PHTF2: variants seen among roughly 807,000 people sequenced by gnomAD.
The protein encoded by PHTF2 is putative homeodomain transcription factor 2.
A neutral mutation model predicts 101.2 loss-of-function variants in PHTF2; 60 were observed. The observed-to-expected ratio is 0.59, with a 90% CI of 0.48 to 0.73. The LOEUF is 0.73. Among genes scored for constraint, PHTF2 ranks in the 30% least tolerant of loss-of-function variants. The pLI is 0.00. For missense variants in PHTF2, 747 were observed against 908.7 expected (o/e 0.82, Z 2.29); for synonymous variants, 311 against 307.3 (o/e 1.01, Z -0.13).
At chr7:77,927,694 G>A (rs1430345879) in intron 11 of PHTF2, among the ~76,000 whole-genome samples, 1 of 152,208 alleles carries the variant, frequency 6.6e-6, no homozygotes, top group East Asian at 1.9e-4. Flanking sequence ...TGCCAGGTTT[G>A]TATTCAAAGT....
intron 5 of PHTF2, among the ~76,000 whole-genome samples, chr7:77,898,565 G>A (rs1390606391): frequency 6.6e-6 from 1 of 152,016 alleles, no homozygotes; most frequent in Non-Finnish European, 1.5e-5. Flanking sequence ...CAGAAATAAT[G>A]TACAGATACA....
At chr7:77,862,107 C>T (rs147532922) in intron 3 of PHTF2, among the ~76,000 whole-genome samples, 163 of 151,862 alleles carry the variant, frequency 1.1e-3, no homozygotes, top group African/African-American at 3.7e-3. Context: ...TTCACTCTTC[C>T]CTAGCAGTAC....
At chr7:77,854,017 G>A (rs1796972254) in intron 2 of PHTF2, among the ~76,000 whole-genome samples, 1 of 152,142 alleles carries the variant, frequency 6.6e-6, no homozygotes, top group Non-Finnish European at 1.5e-5. Context: ...TTGATGTTTG[G>A]ACATTGAAGA....
chr7:77,905,407 ATTTTTG>A (rs1801763397), intron 7 of PHTF2, among the ~76,000 whole-genome samples: 1 of 151,722 alleles, frequency 6.6e-6, no homozygotes, highest in Admixed American at 6.6e-5. Context: ...TTTTATTTTT[ATTTTTG>A]TAGAGATGGG....
intron 1 of PHTF2, among the ~76,000 whole-genome samples, chr7:77,820,523 T>C (rs1794198295): frequency 6.6e-6 from 1 of 151,828 alleles, no homozygotes; most frequent in Non-Finnish European, 1.5e-5. Context: ...AGCTAATGTG[T>C]GTGTGTGCGT....
At chr7:77,888,654 T>G (rs1800087316) in intron 3 of PHTF2, among the ~76,000 whole-genome samples, 1 of 152,244 alleles carries the variant, frequency 6.6e-6, no homozygotes. Flanking sequence ...ACCACTGATC[T>G]TCTTTTAATC....
intron 9 of PHTF2, among the ~76,000 whole-genome samples, chr7:77,913,514 T>G (rs1802608579): frequency 6.6e-6 from 1 of 152,206 alleles, no homozygotes. Flanking sequence ...GAATTACATC[T>G]TGATTGTGTG....
exon 12 of PHTF2, chr7:77,929,281 T>A (rs1181093228): frequency 6.2e-7 from 1 of 1,611,932 alleles, no homozygotes; most frequent in Non-Finnish European, 8.5e-7. Flanking sequence ...AATCATCAGA[T>A]TAATCCATGT....
chr7:77,799,299 G>C (rs1792332966), intron 1 of PHTF2, among the ~76,000 whole-genome samples: 1 of 152,232 alleles, frequency 6.6e-6, no homozygotes, highest in South Asian at 2.1e-4. Flanking sequence ...CCCGCTTCCA[G>C]GCCCCTGTCC....
intron 3 of PHTF2, among the ~76,000 whole-genome samples, chr7:77,865,623 C>A (rs1192931745): frequency 6.6e-6 from 1 of 152,074 alleles, no homozygotes; most frequent in African/African-American, 2.4e-5. Context: ...AATTAATCTC[C>A]CCTGCTAATC....
intron 15 of PHTF2, among the ~76,000 whole-genome samples, chr7:77,941,362 A>G (rs370414704): frequency 1.3e-5 from 2 of 152,158 alleles, no homozygotes; most frequent in South Asian, 2.1e-4. Flanking sequence ...GCAAATTGGC[A>G]TGGATATTTT....
rs903464748 is a variant in PHTF2, at chr7:77,900,555, G to C, written c.217-156G>C. 15 of 615,704 alleles carry C rather than the reference G, an allele frequency of 2.4e-5. No individual in the cohort carries two copies. In the South Asian group the frequency reaches 2.7e-4, roughly 11 times the overall value. The allele number at this position is 615,704 out of a possible 1,614,324, so 38.1% of individuals were successfully genotyped here. A position where few individuals can be genotyped will look rare whatever the true frequency, so the allele number is the denominator to read the frequency against. On this transcript the variant is annotated intron_variant, in intron 5 of 19. Transcript: ENST00000416283. ...CAATAATAAAATTTATTACAATACT[G>C]TAATTGTGTTCTGTTTGTAACAAAT...
At chr7:77,878,340 T>C (rs1799119555) in intron 3 of PHTF2, among the ~76,000 whole-genome samples, 1 of 152,108 alleles carries the variant, frequency 6.6e-6, no homozygotes, top group Admixed American at 6.6e-5. Context: ...ACAAGACCAG[T>C]TGAGCCATTT....
chr7:77,910,698 G>A (rs1802306247), intron 9 of PHTF2, among the ~76,000 whole-genome samples: 1 of 152,024 alleles, frequency 6.6e-6, no homozygotes, highest in African/African-American at 2.4e-5. Context: ...CTGGAGTGCA[G>A]TGGCACGATC....
At chr7:77,947,004 C>T (rs1806103422) in intron 16 of PHTF2, among the ~76,000 whole-genome samples, 3 of 151,506 alleles carry the variant, frequency 2.0e-5, no homozygotes, top group Non-Finnish European at 4.4e-5. Context: ...CCTGTGATCC[C>T]AGCTACTTGG....
exon 12 of PHTF2, chr7:77,929,212 A>G: frequency 6.2e-7 from 1 of 1,612,946 alleles, no homozygotes; most frequent in Non-Finnish European, 8.5e-7. Flanking sequence ...GTGTTATGGG[A>G]AGACTTGTTA....
rs139635000 is a variant in PHTF2, at chr7:77,896,487, G to A, written c.216+2494G>A. On this transcript the variant is annotated intron_variant, in intron 5 of 19. Coordinates refer to ENST00000416283, the Ensembl canonical transcript of PHTF2. ...GAGGATCACTTGAGCCCAGGAGTTC[G>A]AGGCTGTAGTGAGCCATGATCACAC... Among the ~76,000 whole-genome samples, 1,304 of 152,252 alleles carry A rather than the reference G, an allele frequency of 8.6e-3. 21 individuals are homozygous for A. The highest frequency in any genetic ancestry group is 0.03 in the African/African-American group (1,227 of 41,528).
At chr7:77,799,419 G>T (rs1584321664) in intron 1 of PHTF2, among the ~76,000 whole-genome samples, 1 of 152,202 alleles carries the variant, frequency 6.6e-6, no homozygotes, top group Non-Finnish European at 1.5e-5. Context: ...CTAGCGGCCG[G>T]AGGAGCGGGC....
chr7:77,906,969 G>A (rs567713775), intron 7 of PHTF2, among the ~76,000 whole-genome samples: 4 of 146,472 alleles, frequency 2.7e-5, no homozygotes, highest in Non-Finnish European at 6.0e-5. Context: ...ATTCACCAAT[G>A]TTAAGTATAC....
Sources: allele counts gnomAD v4.1 joint callset (sites outside exome capture counted in the v4.1 genomes callset), GRCh38; gene constraint gnomAD v4.1.1; transcripts MANE v1.5; gene names NCBI Gene and HGNC (gene_info 2026-07-23, HGNC 2026-07-21).